The following RSRC1 variants were observed in gnomAD, a reference collection of about 807,000 sequenced individuals.
The protein encoded by RSRC1 is arginine and serine rich coiled-coil 1, also known as serine/Arginine-related protein 53.
RSRC1 carries 39 observed loss-of-function variants against 49.1 expected under a neutral mutation model. The observed-to-expected ratio is 0.79, with a 90% CI of 0.61 to 1.04. The LOEUF (loss-of-function observed/expected upper bound fraction) is 1.04. Among genes scored for constraint, RSRC1 ranks in the 50% least tolerant of loss-of-function variants. The pLI, the probability that RSRC1 is intolerant of heterozygous loss-of-function variation, is 0.00. For missense variants in RSRC1, 388 were observed against 402.4 expected, an observed-to-expected ratio of 0.96 and a Z score of 0.31; for synonymous variants, 143 against 130.8, an observed-to-expected ratio of 1.09 and a Z score of -0.63.
chr3:158,516,099 G>T (rs911841293), intron 7 of RSRC1, among the ~76,000 whole-genome samples: 1 of 152,210 alleles, frequency 6.6e-6, no homozygotes, highest in Non-Finnish European at 1.5e-5. Flanking sequence ...CTCTCAGCTC[G>T]TCAAAGTCAT....
intron 6 of RSRC1, among the ~76,000 whole-genome samples, chr3:158,394,769 G>A (rs115728397): frequency 6.6e-6 from 1 of 151,998 alleles, no homozygotes; most frequent in Admixed American, 6.6e-5. Flanking sequence ...CTGCACAAAA[G>A]GATTTACAGA....
intron 6 of RSRC1, among the ~76,000 whole-genome samples, chr3:158,456,854 T>C (rs752849254): frequency 3.9e-5 from 6 of 152,128 alleles, no homozygotes; most frequent in Admixed American, 6.6e-5. Flanking sequence ...TGAAGCACTT[T>C]TTTAAAATTT....
intron 3 of RSRC1, among the ~76,000 whole-genome samples, chr3:158,173,686 A>G (rs948480876): frequency 6.6e-6 from 1 of 152,042 alleles, no homozygotes; most frequent in Non-Finnish European, 1.5e-5. Context: ...ATTATTTATA[A>G]TAGCCTAAAG....
At chr3:158,506,383 A>G (rs1364649111) in intron 7 of RSRC1, among the ~76,000 whole-genome samples, 1 of 152,142 alleles carries the variant, frequency 6.6e-6, no homozygotes, top group African/African-American at 2.4e-5. Flanking sequence ...TGAGGCCAGC[A>G]TGGTCAATGT....
intron 4 of RSRC1, among the ~76,000 whole-genome samples, chr3:158,226,833 T>C (rs150480825): frequency 6.6e-6 from 1 of 152,062 alleles, no homozygotes; most frequent in East Asian, 1.9e-4. Flanking sequence ...AGTTTGTGCA[T>C]ACTGGAACCC....
chr3:158,299,262 T>G (rs141780830), intron 5 of RSRC1, among the ~76,000 whole-genome samples: 1 of 152,270 alleles, frequency 6.6e-6, no homozygotes, highest in Non-Finnish European at 1.5e-5. Flanking sequence ...AGTTAGGGGC[T>G]TACAACAAGG....
chr3:158,467,142 C>A (rs906403887), intron 7 of RSRC1, among the ~76,000 whole-genome samples: 3 of 152,296 alleles, frequency 2.0e-5, no homozygotes, highest in Admixed American at 6.5e-5. Context: ...GACGATTATT[C>A]TTTTATCTTT....
At chr3:158,375,386 G>A (rs1732308906) in intron 6 of RSRC1, among the ~76,000 whole-genome samples, 3 of 147,938 alleles carry the variant, frequency 2.0e-5, no homozygotes, top group Admixed American at 6.7e-5. Context: ...TTTTCTTAAT[G>A]AGATATGGTT....
intron 6 of RSRC1, among the ~76,000 whole-genome samples, chr3:158,363,376 G>A (rs542182517): frequency 9.5e-4 from 144 of 151,256 alleles, no homozygotes; most frequent in Admixed American, 1.7e-3. Flanking sequence ...AGATTCTCCT[G>A]CCTTAGCCTC....
chr3:158,229,684 G>A (rs748821116), intron 4 of RSRC1, among the ~76,000 whole-genome samples: 3 of 151,766 alleles, frequency 2.0e-5, no homozygotes, highest in African/African-American at 4.8e-5. Flanking sequence ...CAAAGAAGTT[G>A]CAAGAAGAGC....
chr3:158,116,356 A>G (rs538707173), intron 1 of RSRC1, among the ~76,000 whole-genome samples: 85 of 152,234 alleles, frequency 5.6e-4, no homozygotes, highest in Non-Finnish European at 1.0e-3. Flanking sequence ...TCAAGTTGCA[A>G]TTCAGTTACA....
intron 4 of RSRC1, among the ~76,000 whole-genome samples, chr3:158,241,752 A>G (rs536695727): frequency 6.6e-6 from 1 of 152,126 alleles, no homozygotes; most frequent in South Asian, 2.1e-4. Flanking sequence ...AAGATGGCTC[A>G]TAGTTTAGTT....
At chr3:158,269,495 C>T (rs1451949578) in intron 4 of RSRC1, among the ~76,000 whole-genome samples, 1 of 152,000 alleles carries the variant, frequency 6.6e-6, no homozygotes, top group African/African-American at 2.4e-5. Flanking sequence ...CACTACCATG[C>T]TTTTAGTATT....
At chr3:158,293,379 G>C (rs1301198701) in intron 4 of RSRC1, among the ~76,000 whole-genome samples, 1 of 151,954 alleles carries the variant, frequency 6.6e-6, no homozygotes, top group Non-Finnish European at 1.5e-5. Flanking sequence ...TGCTGCCCCA[G>C]CTTTCTTTTG....
At chr3:158,458,112 G>C (rs1340784441) in intron 6 of RSRC1, among the ~76,000 whole-genome samples, 1 of 152,124 alleles carries the variant, frequency 6.6e-6, no homozygotes, top group Non-Finnish European at 1.5e-5. Flanking sequence ...ATATAAGGGA[G>C]TGTGGGGAGT....
chr3:158,154,461 C>T (rs974135527), intron 3 of RSRC1, among the ~76,000 whole-genome samples: 6 of 144,248 alleles, frequency 4.2e-5, no homozygotes, highest in African/African-American at 1.5e-4. Context: ...TTTTACCGAT[C>T]ATAGAACTTT....
chr3:158,140,528 A>AT (rs1190688219), intron 3 of RSRC1, among the ~76,000 whole-genome samples: 1 of 152,146 alleles, frequency 6.6e-6, no homozygotes, highest in African/African-American at 2.4e-5. Context: ...GAGCTCTCTT[A>AT]TTTTATGAGT....
intron 7 of RSRC1, among the ~76,000 whole-genome samples, chr3:158,508,837 C>A (rs747687895): frequency 6.6e-6 from 1 of 152,102 alleles, no homozygotes; most frequent in African/African-American, 2.4e-5. Context: ...ACAATAATAT[C>A]TCTTGAGAGA....
At chr3:158,381,058 T>C (rs1415194925) in intron 6 of RSRC1, among the ~76,000 whole-genome samples, 1 of 152,196 alleles carries the variant, frequency 6.6e-6, no homozygotes, top group African/African-American at 2.4e-5. Context: ...AAAAGTCACG[T>C]ATGTCGTGAA....
Sources: allele counts gnomAD v4.1 joint callset (sites outside exome capture counted in the v4.1 genomes callset), GRCh38; gene constraint gnomAD v4.1.1; transcripts MANE v1.5; gene names NCBI Gene and HGNC (gene_info 2026-07-23, HGNC 2026-07-21).